Variants in CEP89 observed in about 807,000 individuals in gnomAD.
CEP89 encodes the protein centrosomal protein 89, also known as centrosomal protein of 89 kDa.
Under a neutral mutation model 97.6 loss-of-function variants are expected in CEP89, and 95 were observed. That is an observed-to-expected ratio of 0.97 (90% confidence interval 0.82 to 1.15). The LOEUF (loss-of-function observed/expected upper bound fraction) is 1.15, where lower values mean the gene tolerates loss of function less well. Ranked by LOEUF, CEP89 falls within the 50% of genes most tolerant of loss-of-function variation. The probability of loss-of-function intolerance (pLI) is 0.00; values close to 1 mark genes in which losing one functional copy is unlikely to be tolerated. For missense variants in CEP89, 869 were observed against 947.7 expected (o/e 0.92, Z 1.09); for synonymous variants, 354 against 349.1 (o/e 1.01, Z -0.16).
chr19:32,902,048 G>GTGTGTGTGTGTGTGTGTGTA (rs1255251867), intron 14 of CEP89, among the ~76,000 whole-genome samples: 120 of 149,902 alleles, frequency 8.0e-4, no homozygotes, highest in African/African-American at 2.8e-3. Context: ...GTGTGTGTAT[G>GTGTGTGTGTGTGTGTGTGTA]TGTGTGTATA....
chr19:32,923,856 T>C (rs1293360840), intron 11 of CEP89, among the ~76,000 whole-genome samples: 3 of 152,198 alleles, frequency 2.0e-5, no homozygotes, highest in Admixed American at 2.0e-4. Context: ...AAGGCAGAGA[T>C]GCCCATCAAC....
At chr19:32,961,684 C>G (rs992826135) in intron 2 of CEP89, among the ~76,000 whole-genome samples, 1 of 151,590 alleles carries the variant, frequency 6.6e-6, no homozygotes, top group African/African-American at 2.4e-5. Context: ...CACTCTGTTG[C>G]CCAGGCTGGA....
chr19:32,960,946 G>A (rs920365628), intron 2 of CEP89, among the ~76,000 whole-genome samples: 1 of 152,190 alleles, frequency 6.6e-6, no homozygotes, highest in Non-Finnish European at 1.5e-5. Flanking sequence ...GGAGCTGAGA[G>A]AATGTGTAGG....
Position 32,959,995 on chromosome 19 carries a change from C to G in CEP89, c.210G>C (p.Gln70His). The G allele has an allele frequency of 6.2e-7, 1 of 1,614,208 alleles. No homozygotes were observed. Among genetic ancestry groups the G allele is most frequent in the African/African-American group, 1.3e-5 (1 of 75,056 alleles). ...TLTGRTVAIP[Q>H]PRQRSRSESD... Reference sequence around the variant, plus strand: ...TCTCAGACCGGGACCTCTGGCGAGGCTGAGGAATAGCAACCGTCCGCCCAG... The same window carrying G: ...TCTCAGACCGGGACCTCTGGCGAGGGTGAGGAATAGCAACCGTCCGCCCAG... Residue 70 changes from glutamine to histidine, a missense_variant, in exon 3 of 19, where the codon CAG (glutamine) becomes CAC (histidine). Transcript: ENST00000305768.
chr19:32,917,690 A>T (rs1464377967), intron 13 of CEP89: 1 of 520,372 alleles, frequency 1.9e-6, no homozygotes, highest in African/African-American at 2.1e-5. Flanking sequence ...GTGCACTGTC[A>T]CAGACTATGA....
chr19:32,917,824 A>C (rs2145910303), intron 13 of CEP89: 1 of 984,104 alleles, frequency 1.0e-6, no homozygotes, highest in Non-Finnish European at 1.2e-6. Context: ...GAAGGAAGGA[A>C]GGACACAGGG....
rs538453310 is a variant in CEP89, at chr19:32,877,391, G to A, written c.*1771C>T. ...AGATGCTGCAGGGTGCCACCCCTGAGTCCCACAGTTAGGGTCCTTTGTAGC... is the reference window on the plus strand; with the variant it reads ...AGATGCTGCAGGGTGCCACCCCTGAATCCCACAGTTAGGGTCCTTTGTAGC... On this transcript the variant is annotated 3_prime_UTR_variant, in exon 19 of 19. Transcript: ENST00000305768. 3.9e-5 allele frequency: 6 copies of A among 152,410 alleles called. No individual in the cohort carries two copies. The highest frequency in any genetic ancestry group is 1.4e-4 in the African/African-American group (6 of 41,572). 9.4% of individuals were successfully genotyped at this position (152,410 alleles called of 1,614,324 possible).
intron 3 of CEP89, among the ~76,000 whole-genome samples, chr19:32,955,777 G>A (rs1159808114): frequency 6.6e-6 from 1 of 152,148 alleles, no homozygotes; most frequent in African/African-American, 2.4e-5. Context: ...GCCTCAAAAA[G>A]TGCTGAGGTT....
chr19:32,966,371 T>G lies in CEP89; in HGVS notation c.135A>C (p.Pro45=), dbSNP rs1259510735. Residue 45 remains proline (P), a synonymous_variant, in exon 2 of 19, where the codon CCA becomes CCC. Coordinates refer to ENST00000305768, the MANE Select transcript of CEP89 (RefSeq NM_032816.5). ...TPPPRSPNPS[P]ERPRSALAAA... is the part of the protein sequence containing the mutation. Reference sequence around the variant, plus strand: ...CATCTGATACTCACCTTGGTCTCTCTGGAGATGGGTTGGGGCTGCGGGGAG... The same window carrying G: ...CATCTGATACTCACCTTGGTCTCTCGGGAGATGGGTTGGGGCTGCGGGGAG... 4 of 1,540,020 alleles carry G rather than the reference T, an allele frequency of 2.6e-6. No homozygotes were observed. The highest frequency in any genetic ancestry group is 3.5e-6 in the Non-Finnish European group (4 of 1,138,182).
chr19:32,971,005 G>A (rs1013044375), intron 1 of CEP89: 2 of 152,118 alleles, frequency 1.3e-5, no homozygotes, highest in African/African-American at 4.8e-5. Context: ...TGGGCATCAG[G>A]ACAAGACCCT....
chr19:32,940,311 A>C (rs1414938317), intron 5 of CEP89, among the ~76,000 whole-genome samples: 1 of 126,614 alleles, frequency 7.9e-6, no homozygotes, highest in Non-Finnish European at 1.7e-5. Context: ...TCCTTCCAAC[A>C]CCCCTCCCCA....
At chr19:32,927,403 T>A (rs1004787471) in intron 9 of CEP89, among the ~76,000 whole-genome samples, 1 of 150,546 alleles carries the variant, frequency 6.6e-6, no homozygotes, top group African/African-American at 2.4e-5. Context: ...ACTATTTTCA[T>A]ATATATATAT....
intron 14 of CEP89, among the ~76,000 whole-genome samples, chr19:32,902,010 C>CTGTGTG (rs929591410): frequency 0.017 from 2,310 of 133,756 alleles, 54 homozygotes; most frequent in African/African-American, 0.053. Flanking sequence ...CTCTCTCTCT[C>CTGTGTG]TGTGTGTGTG....
intron 12 of CEP89, among the ~76,000 whole-genome samples, chr19:32,920,763 C>T (rs1970230778): frequency 6.6e-6 from 1 of 152,030 alleles, no homozygotes; most frequent in South Asian, 2.1e-4. Context: ...GGATTATAGG[C>T]GTGAGCCACT....
At chr19:32,905,391 T>A (rs1428033036) in intron 14 of CEP89, among the ~76,000 whole-genome samples, 2 of 152,248 alleles carry the variant, frequency 1.3e-5, no homozygotes, top group African/African-American at 4.8e-5. Context: ...ATTCTTTTTC[T>A]GTTTCTAGAA....
chr19:32,966,334 T>C lies in CEP89; in HGVS notation c.146+26A>G. On this transcript the variant is annotated intron_variant, in intron 2 of 18. Coordinates refer to ENST00000305768, the MANE Select transcript of CEP89 (RefSeq NM_032816.5). ...TTGGAGGCTGAGCACAGGGGTGACC[T>C]CAGTGCCTGCTCATCTGATACTCAC... 2.2e-6 allele frequency: 3 copies of C among 1,359,720 alleles called. No homozygotes were observed. The East Asian group carries it at 7.8e-5, about 36-fold the overall frequency. The allele number at this position is 1,359,720 out of a possible 1,614,324, so 84.2% of individuals were successfully genotyped here. A position where few individuals can be genotyped will look rare whatever the true frequency, so the allele number is the denominator to read the frequency against.
intron 5 of CEP89, among the ~76,000 whole-genome samples, chr19:32,946,131 T>A (rs1276732676): frequency 6.6e-6 from 1 of 152,200 alleles, no homozygotes; most frequent in Non-Finnish European, 1.5e-5. Context: ...AGGGTCTCAC[T>A]CTGTCACCTA....
chr19:32,891,686 C>T (rs1969520265), intron 16 of CEP89, among the ~76,000 whole-genome samples: 1 of 151,690 alleles, frequency 6.6e-6, no homozygotes, highest in African/African-American at 2.4e-5. Context: ...AAGAACTAAA[C>T]AGAAATCCTG....
intron 2 of CEP89, among the ~76,000 whole-genome samples, chr19:32,963,034 A>G (rs1971201447): frequency 6.6e-6 from 1 of 152,192 alleles, no homozygotes; most frequent in African/African-American, 2.4e-5. Flanking sequence ...ACATGAAAAA[A>G]ATGCTCAATA....
Sources: gnomAD v4.1 joint callset for allele counts (sites outside exome capture counted in the v4.1 genomes callset) on GRCh38, gnomAD v4.1.1 for gene constraint, MANE v1.5 for transcripts, NCBI Gene and HGNC (gene_info 2026-07-23, HGNC 2026-07-21) for gene names.